The following ATP1A2 variants were observed in gnomAD, a reference collection of about 807,000 sequenced individuals.
The protein encoded by ATP1A2 is ATPase Na+/K+ transporting subunit alpha 2.
In ATP1A2, 56 loss-of-function variants were observed where a neutral mutation model predicts 113.1. The observed-to-expected ratio is 0.49, with a 90% CI of 0.40 to 0.62. The LOEUF (loss-of-function observed/expected upper bound fraction) is 0.62, where lower values mean the gene tolerates loss of function less well. Among genes scored for constraint, ATP1A2 ranks in the 20% least tolerant of loss-of-function variants. The pLI, the probability that ATP1A2 is intolerant of heterozygous loss-of-function variation, is 0.00. For synonymous variants in ATP1A2, 490 were observed against 526.8 expected, an observed-to-expected ratio of 0.93 and a Z score of 0.96; for missense variants, 712 against 1,357.8, an observed-to-expected ratio of 0.52 and a Z score of 7.47.
chr1:160,127,631 G>A lies in ATP1A2; in HGVS notation c.828G>A (p.Glu276=), dbSNP rs750552372. Residue 276 remains glutamate, a synonymous_variant, in exon 8 of 23, where the codon GAG becomes GAA. Coordinates refer to ENST00000361216, the MANE Select transcript of ATP1A2 (RefSeq NM_000702.4). ...TAGCTACTCTCGCCTCAGGCCTGGA[G>A]GTTGGGCGGACACCCATAGCAATGG... ...GRIATLASGL[E]VGRTPIAMEI... is the part of the protein sequence containing the mutation. The A allele has an allele frequency of 1.9e-6, 3 of 1,614,244 alleles. No individual in the cohort carries two copies. Among genetic ancestry groups the A allele is most frequent in the South Asian group, 1.1e-5 (1 of 91,088 alleles).
At position 160,115,790 on chromosome 1, in the gene ATP1A2, A is replaced by C; in HGVS notation, c.-72A>C. On this transcript the variant is annotated 5_prime_UTR_variant, in exon 1 of 23. Coordinates refer to ENST00000361216, the MANE Select transcript of ATP1A2 (RefSeq NM_000702.4). Reference sequence around the variant, plus strand: ...CTGCCAGGGTCTCCGACTGTCCCAGACGGGCTGGTGTGGGCTTGGGATCCT... The same window carrying C: ...CTGCCAGGGTCTCCGACTGTCCCAGCCGGGCTGGTGTGGGCTTGGGATCCT... 1.9e-6 allele frequency: 3 copies of C among 1,554,924 alleles called. No homozygotes were observed. The highest frequency in any genetic ancestry group is 1.9e-5 in the Admixed American group (1 of 51,842).
In ATP1A2 at chr1:160,123,346, T is replaced by C. The variant is rs760901258; in HGVS notation, c.311T>C (p.Ile104Thr). Residue 104 changes from isoleucine to threonine, a missense_variant, in exon 4 of 23, where the codon ATT (isoleucine) becomes ACT (threonine). By Grantham distance (89) the Ile-to-Thr change is moderately conservative. Transcript: ENST00000361216. Reference protein sequence around the residue: ...LFGGFSILLWIGAILCFLAYG... With the variant: ...LFGGFSILLWTGAILCFLAYG... ...GGGGGGTTCTCCATCCTGCTGTGGA[T>C]TGGGGCTATCCTCTGCTTCCTGGCC... The C allele has an allele frequency of 1.5e-5, 25 of 1,614,070 alleles. No individual in the cohort carries two copies. Among genetic ancestry groups the C allele is most frequent in the Non-Finnish European group, 2.1e-5 (25 of 1,180,040 alleles).
In ATP1A2 at chr1:160,128,676, C is replaced by T. The variant is rs765818392; in HGVS notation, c.1042C>T (p.Arg348Cys). Residue 348 changes from arginine to cysteine, a missense_variant, in exon 9 of 23, where the codon CGC becomes TGC. Physicochemically the swap from Arg to Cys is radical, Grantham distance 180 (BLOSUM62 -3). Transcript: ENST00000361216. ...GGTGTGCCTGACCCTGACAGCCAAG[C>T]GCATGGCACGGAAGAACTGCCTGGT... ...VTVCLTLTAK[R>C]MARKNCLVKN... is the part of the protein sequence containing the mutation. The T allele has an allele frequency of 6.2e-6, 10 of 1,614,018 alleles. No individual in the cohort carries two copies. Among genetic ancestry groups the T allele is most frequent in the East Asian group, 2.2e-5 (1 of 44,886 alleles).
intron 7 of ATP1A2, among the ~76,000 whole-genome samples, chr1:160,126,286 T>C (rs965766769): frequency 6.6e-6 from 1 of 152,212 alleles, no homozygotes; most frequent in Non-Finnish European, 1.5e-5. Context: ...TAATACCGAG[T>C]GCAATGTAAT....
chr1:160,136,376 C>G lies in ATP1A2; in HGVS notation c.2563+6C>G. 2 of 1,613,982 alleles carry G rather than the reference C, an allele frequency of 1.2e-6. No individual in the cohort carries two copies. The highest frequency in any genetic ancestry group is 2.2e-5 in the South Asian group (2 of 91,068). ...CATGGCCTACGGACAGATCGGTGCG[C>G]CAAGCCCCGGGCCTCGGGAGGGAAC... On this transcript the variant is annotated splice_donor_region_variant and intron_variant, in intron 18 of 22. Coordinates refer to ENST00000361216, the MANE Select transcript of ATP1A2 (RefSeq NM_000702.4).
At chr1:160,123,117 G>A in intron 3 of ATP1A2, 96 bp from the exon 4 acceptor site, 3 of 1,412,708 alleles carry the variant, frequency 2.1e-6, no homozygotes, top group Non-Finnish European at 3.0e-6. Flanking sequence ...TTCCTTCTGG[G>A]CATTCTTCCC....
intron 5 of ATP1A2, 61 bp from the exon 6 acceptor site, chr1:160,124,235 G>A: frequency 6.4e-7 from 1 of 1,559,332 alleles, no homozygotes; most frequent in Non-Finnish European, 8.7e-7. Context: ...TGGGAGACCA[G>A]CAGGAGAAGA....
At chr1:160,118,544 C>A (rs1477851726) in intron 1 of ATP1A2, among the ~76,000 whole-genome samples, 2 of 152,146 alleles carry the variant, frequency 1.3e-5, no homozygotes, top group Non-Finnish European at 2.9e-5. Flanking sequence ...CAAGCCTTTC[C>A]CCACCCCTTC....
chr1:160,122,056 C>T (rs1266757905), intron 3 of ATP1A2, among the ~76,000 whole-genome samples: 2 of 152,088 alleles, frequency 1.3e-5, no homozygotes, highest in African/African-American at 4.8e-5. Context: ...GGCTTGAACC[C>T]AGGAGGCGGA....
chr1:160,126,151 T>C (rs1340085320), intron 7 of ATP1A2, among the ~76,000 whole-genome samples: 1 of 152,152 alleles, frequency 6.6e-6, no homozygotes. Flanking sequence ...GAGGGATTGG[T>C]TCCAGGACCC....
At chr1:160,134,300 C>T (rs1651866345) in intron 13 of ATP1A2, among the ~76,000 whole-genome samples, 184 bp from the exon 14 acceptor site, 1 of 151,792 alleles carries the variant, frequency 6.6e-6, no homozygotes, top group Admixed American at 6.6e-5. Context: ...CATACACACA[C>T]ACACATACAC....
In ATP1A2 at chr1:160,128,623, C is replaced by T. The variant is rs376250714; in HGVS notation, c.1018-29C>T. Reference sequence around the variant, plus strand: ...TGGCCATCTCCGGCTTCAGCCTTAACCTTTTTTATTCTCCTCTTTCTCTAC... The same window carrying T: ...TGGCCATCTCCGGCTTCAGCCTTAATCTTTTTTATTCTCCTCTTTCTCTAC... On this transcript the variant is annotated intron_variant, in intron 8 of 22. Coordinates refer to ENST00000361216, the MANE Select transcript of ATP1A2 (RefSeq NM_000702.4). 518 of 1,614,044 alleles carry T rather than the reference C, an allele frequency of 3.2e-4. 3 individuals are homozygous for T. Among genetic ancestry groups the T allele is most frequent in the Non-Finnish European group, 4.2e-4 (501 of 1,180,036 alleles).
In ATP1A2 at chr1:160,124,444, A is replaced by G. The variant is rs1003014857; in HGVS notation, c.630+14A>G. On this transcript the variant is annotated intron_variant, in intron 6 of 22. Coordinates refer to ENST00000361216, the MANE Select transcript of ATP1A2 (RefSeq NM_000702.4). Reference sequence around the variant, plus strand: ...CATGGCTGTAAGGTGAGGAGGTCATACCAGAGCAAGCAGTTGAGTCTAAGG... The same window carrying G: ...CATGGCTGTAAGGTGAGGAGGTCATGCCAGAGCAAGCAGTTGAGTCTAAGG... 2 of 1,598,770 alleles carry G rather than the reference A, an allele frequency of 1.3e-6. No individual in the cohort carries two copies. The highest frequency in any genetic ancestry group is 1.3e-5 in the African/African-American group (1 of 74,750).
chr1:160,140,530 G>A (rs1652111118), intron 22 of ATP1A2: 3 of 172,694 alleles, frequency 1.7e-5, no homozygotes, highest in South Asian at 2.7e-4. Flanking sequence ...TGTGGGGGGA[G>A]GAGGGTGGAT....
intron 22 of ATP1A2, chr1:160,140,911 G>T: frequency 4.0e-6 from 1 of 247,916 alleles, no homozygotes; most frequent in Non-Finnish European, 7.7e-6. Context: ...AACCAGGAGT[G>T]CAGTGCAGTG....
chr1:160,123,485 G>T (rs191318515), intron 4 of ATP1A2, 69 bp downstream of exon 4: 5 of 1,600,392 alleles, frequency 3.1e-6, no homozygotes, highest in African/African-American at 1.3e-5. Flanking sequence ...CAACACAGTG[G>T]GGGGTGGGCA....
chr1:160,128,492 A>T, intron 8 of ATP1A2, 160 bp from the exon 9 acceptor site: 1 of 1,537,374 alleles, frequency 6.5e-7, no homozygotes, highest in Non-Finnish European at 8.7e-7. Context: ...TGATCTCAAC[A>T]CATCTAAAAT....
chr1:160,135,826 A>T lies in ATP1A2; in HGVS notation c.2285-13A>T, dbSNP rs772709821. 8.1e-6 allele frequency: 13 copies of T among 1,614,048 alleles called. No individual in the cohort carries two copies. In the South Asian group the frequency reaches 1.4e-4, roughly 18 times the overall value. On this transcript the variant is annotated splice_polypyrimidine_tract_variant and intron_variant, in intron 16 of 22. Coordinates refer to ENST00000361216, the MANE Select transcript of ATP1A2 (RefSeq NM_000702.4). The surrounding 1 kb of genome is among the most constrained non-coding windows in gnomAD (Gnocchi z 6.3). Reference sequence around the variant, plus strand: ...CCTCTGACCTCCCTGATGCCCTCAGAATCTCCCCACAGGCCGCCTGATCTT... The same window carrying T: ...CCTCTGACCTCCCTGATGCCCTCAGTATCTCCCCACAGGCCGCCTGATCTT...
intron 1 of ATP1A2, among the ~76,000 whole-genome samples, chr1:160,118,445 A>G (rs1391044247): frequency 6.6e-6 from 1 of 152,094 alleles, no homozygotes; most frequent in Non-Finnish European, 1.5e-5. Flanking sequence ...GTCCCACCAC[A>G]GACAGTTAGT....
Sources: allele counts gnomAD v4.1 joint callset (sites outside exome capture counted in the v4.1 genomes callset), GRCh38; gene constraint gnomAD v4.1.1; non-coding constraint Gnocchi (gnomAD v3.1); transcripts MANE v1.5; gene names NCBI Gene and HGNC (gene_info 2026-07-23, HGNC 2026-07-21).